Variants in DDX23 observed in about 807,000 individuals in gnomAD.
DDX23 encodes the protein DEAD-box helicase 23.
In DDX23, 33 loss-of-function variants were observed where a neutral mutation model predicts 102.7. The ratio of observed to expected loss-of-function variants is 0.32; its 90% confidence interval spans 0.24 to 0.43. The LOEUF (loss-of-function observed/expected upper bound fraction) is 0.43, where lower values mean the gene tolerates loss of function less well. Among genes scored for constraint, DDX23 ranks in the 20% least tolerant of loss-of-function variants. DDX23 has a pLI of 1.00. For missense variants in DDX23, 549 were observed against 1,086.6 expected (o/e 0.51, Z 6.96); for synonymous variants, 352 against 376.0 (o/e 0.94, Z 0.74).
At chr12:48,838,149 G>T in intron 5 of DDX23, 69 bp from the exon 6 acceptor site, 3 of 1,595,698 alleles carry the variant, frequency 1.9e-6, no homozygotes, top group South Asian at 2.2e-5. Context: ...CTGATGGGGA[G>T]ATGGCAGGGA....
chr12:48,846,243 C>T (rs1255752355), intron 1 of DDX23, among the ~76,000 whole-genome samples: 3 of 152,216 alleles, frequency 2.0e-5, no homozygotes, highest in African/African-American at 2.4e-5. Flanking sequence ...AGATTACAGG[C>T]GTGAGCCACA....
At chr12:48,840,918 C>T (rs1938540145) in intron 3 of DDX23, among the ~76,000 whole-genome samples, 1 of 152,072 alleles carries the variant, frequency 6.6e-6, no homozygotes, top group African/African-American at 2.4e-5. Flanking sequence ...CAAGAAGATA[C>T]TGCTATCTAT....
At chr12:48,840,826 T>C (rs1938538240) in intron 3 of DDX23, among the ~76,000 whole-genome samples, 1 of 151,712 alleles carries the variant, frequency 6.6e-6, no homozygotes, top group African/African-American at 2.4e-5. Context: ...GTGCTAGGAT[T>C]ACAGGTGTGA....
At position 48,836,468 on chromosome 12, in the gene DDX23, ACTAGCAGCGATGG is replaced by A; in HGVS notation, c.1236+88_1236+100del. 7.6e-7 allele frequency: 1 copy of A among 1,308,048 alleles called. No individual in the cohort carries two copies. The highest frequency in any genetic ancestry group is 1.3e-5 in the South Asian group (1 of 75,398). The allele number at this position is 1,308,048 out of a possible 1,614,324, so 81.0% of individuals were successfully genotyped here. Reference sequence around the variant, plus strand: ...GACAGAAAAGGTCACATTGGTGCCCACTAGCAGCGATGGCTCCAAATAGTCAAGGAACAAAGTT... The same window carrying A: ...GACAGAAAAGGTCACATTGGTGCCCACTCCAAATAGTCAAGGAACAAAGTT... On this transcript the variant is annotated intron_variant, in intron 10 of 16. Transcript: ENST00000308025. The surrounding 1 kb of genome is among the most constrained non-coding windows in gnomAD (Gnocchi z 6.1).
Position 48,844,050 on chromosome 12 carries a change from T to A in DDX23, c.210A>T (p.Arg70Ser). The change falls in exon 3 of 17, where the codon AGA (arginine) becomes AGT (serine). Residue 70 changes from arginine (R) to serine (S), a missense_variant and splice_region_variant. Physicochemically the swap from Arg to Ser is moderately radical, Grantham distance 110 (BLOSUM62 -1). Around this residue, in one of 4 missense-constraint regions of DDX23, gnomAD observed 241 missense variants for 267.0 expected, o/e 0.90. Transcript: ENST00000308025. ...RSRSRSKSAE[R>S]ERRHKERERD... ...GTTCTCGTTCTTTGTGCCGTCGTTC[T>A]CTGGAAGACCGCAAATTTAAGAGTT... The A allele has an allele frequency of 6.2e-7, 1 of 1,614,128 alleles. No individual in the cohort carries two copies. Among genetic ancestry groups the A allele is most frequent in the Non-Finnish European group, 8.5e-7 (1 of 1,179,990 alleles).
chr12:48,832,357 C>T lies in DDX23; in HGVS notation c.1955+65G>A. 1 of 1,590,830 alleles carries T rather than the reference C, an allele frequency of 6.3e-7. No individual in the cohort carries two copies. The highest frequency in any genetic ancestry group is 1.7e-5 in the Admixed American group (1 of 58,860). On this transcript the variant is annotated intron_variant, in intron 14 of 16. Transcript: ENST00000308025. This position sits in a 1 kb window ranked among gnomAD's most constrained non-coding sequence, Gnocchi z 4.4. ...GCAATTGCCCTGCCCTGCACCTGCA[C>T]TAAAAAAGTTCTCAGAGCCATTTTA...
rs182814329 is a variant in DDX23, at chr12:48,833,181, C to T, written c.1803+96G>A. On this transcript the variant is annotated intron_variant, in intron 13 of 16. Coordinates refer to ENST00000308025, the MANE Select transcript of DDX23 (RefSeq NM_004818.3). ...TTAAATTTTTGTAGAGACGGAGTTT[C>T]GCCATGTTGCCCAGGCTGGTCTCAA... The T allele has an allele frequency of 2.2e-4, 337 of 1,544,052 alleles. 1 individual carries two copies. Among genetic ancestry groups the T allele is most frequent in the Non-Finnish European group, 1.5e-4 (169 of 1,140,350 alleles).
In DDX23 at chr12:48,836,033, G is replaced by T; in HGVS notation, c.1382+88C>A. 1.4e-6 allele frequency: 2 copies of T among 1,410,888 alleles called. No homozygotes were observed. The highest frequency in any genetic ancestry group is 2.0e-6 in the Non-Finnish European group (2 of 1,013,164). 87.4% of individuals were successfully genotyped at this position (1,410,888 alleles called of 1,614,324 possible). On this transcript the variant is annotated intron_variant, in intron 11 of 16. Coordinates refer to ENST00000308025, the MANE Select transcript of DDX23 (RefSeq NM_004818.3). This position sits in a 1 kb window ranked among gnomAD's most constrained non-coding sequence, Gnocchi z 6.1. ...ATAAAGAAGAAAGCTTCTGATTATA[G>T]ACGTAAAACAAAAATCAAACATTCA...
At chr12:48,839,751 T>G in intron 5 of DDX23, 93 bp downstream of exon 5, 221 of 1,307,974 alleles carry the variant, frequency 1.7e-4, no homozygotes, top group Middle Eastern at 2.4e-4. Flanking sequence ...TCCAGAACTG[T>G]GAGAAAATTA....
intron 15 of DDX23, chr12:48,831,741 A>G (rs1565674996): frequency 5.0e-6 from 2 of 396,882 alleles, no homozygotes; most frequent in Non-Finnish European, 9.2e-6. Flanking sequence ...TTCTGACCAT[A>G]TCACCTCCTC....
Position 48,830,005 on chromosome 12 carries a change from T to A in DDX23, c.*464A>T, listed in dbSNP as rs1938358069. 2 of 361,162 alleles carry A rather than the reference T, an allele frequency of 5.5e-6. No individual in the cohort carries two copies. The highest frequency in any genetic ancestry group is 7.5e-5 in the Admixed American group (2 of 26,680). The allele number at this position is 361,162 out of a possible 1,614,324, so 22.4% of individuals were successfully genotyped here. ...CCAAACAGGAAAACAGCTGTCCAGA[T>A]GACAGTAAGATTCCACTGTCTGTAA... On this transcript the variant is annotated 3_prime_UTR_variant, in exon 17 of 17. Coordinates refer to ENST00000308025, the MANE Select transcript of DDX23 (RefSeq NM_004818.3). This position sits in a 1 kb window ranked among gnomAD's most constrained non-coding sequence, Gnocchi z 4.9.
intron 2 of DDX23, 101 bp downstream of exon 2, chr12:48,845,473 A>T (rs1411890058): frequency 7.5e-7 from 1 of 1,332,864 alleles, no homozygotes; most frequent in East Asian, 2.3e-5. Flanking sequence ...AATAAAAATA[A>T]AAAGTAGATG....
intron 5 of DDX23, among the ~76,000 whole-genome samples, chr12:48,839,155 G>A (rs2137486875): frequency 6.6e-6 from 1 of 152,192 alleles, no homozygotes; most frequent in South Asian, 2.1e-4. Flanking sequence ...GATTACAGGT[G>A]TGAGCCACTG....
intron 1 of DDX23, 84 bp from the exon 2 acceptor site, chr12:48,845,866 C>A (rs1234242597): frequency 2.9e-6 from 4 of 1,389,726 alleles, no homozygotes; most frequent in African/African-American, 2.9e-5. Context: ...CTCAAAACAA[C>A]CCTATGAGGT....
Position 48,842,063 on chromosome 12 carries a change from G to A in DDX23, c.320+1877C>T, listed in dbSNP as rs533301309. Among the ~76,000 whole-genome samples, 108 of 151,534 alleles carry A rather than the reference G, an allele frequency of 7.1e-4. 1 individual carries two copies. The highest frequency in any genetic ancestry group is 2.5e-3 in the African/African-American group (105 of 41,276). On this transcript the variant is annotated intron_variant, in intron 3 of 16. Coordinates refer to ENST00000308025, the MANE Select transcript of DDX23 (RefSeq NM_004818.3). ...CGTCTGAGAAGTGAGGAGCCCCTCC[G>A]CCCGGCAGCCACATCGTCTGAGAAG...
chr12:48,845,683 G>T lies in DDX23; in HGVS notation c.100C>A (p.Arg34=). ...RTPDRERDRD[R]DRKSSPSKDR... ...TTAGATGGGGAAGACTTCCGGTCCCGGTCTCTATCCCGCTCTCTGTCAGGA... is the reference window on the plus strand; with the variant it reads ...TTAGATGGGGAAGACTTCCGGTCCCTGTCTCTATCCCGCTCTCTGTCAGGA... The change falls in exon 2 of 17, where the codon CGG becomes AGG. Residue 34 remains arginine, a synonymous_variant. Transcript: ENST00000308025. 6.2e-7 allele frequency: 1 copy of T among 1,614,214 alleles called. No individual in the cohort carries two copies. Among genetic ancestry groups the T allele is most frequent in the Non-Finnish European group, 8.5e-7 (1 of 1,180,050 alleles).
Position 48,833,769 on chromosome 12 carries a change from C to CT in DDX23, c.1561-251dup, listed in dbSNP as rs972275771. ...ACAGAGGAGGCAAAATCAGTAGAAACTTTTTTTTTTTTGGCAAATCATTTC... is the reference window on the plus strand; with the variant it reads ...ACAGAGGAGGCAAAATCAGTAGAAACTTTTTTTTTTTTTGGCAAATCATTTC... On this transcript the variant is annotated intron_variant, in intron 12 of 16. Transcript: ENST00000308025. Among the ~76,000 whole-genome samples, 285 of 145,812 alleles carry CT rather than the reference C, an allele frequency of 2.0e-3. 1 individual carries two copies. Among genetic ancestry groups the CT allele is most frequent in the African/African-American group, 5.8e-3 (233 of 40,000 alleles).
At chr12:48,843,820 T>A in intron 3 of DDX23, 120 bp downstream of exon 3, 1 of 1,044,858 alleles carries the variant, frequency 9.6e-7, no homozygotes, top group South Asian at 1.4e-5. Flanking sequence ...AGTGCTGGGA[T>A]TACAGGCGTG....
intron 3 of DDX23, among the ~76,000 whole-genome samples, chr12:48,841,261 C>T (rs1199918675): frequency 1.3e-5 from 2 of 152,192 alleles, no homozygotes; most frequent in Admixed American, 1.3e-4. Context: ...TGGCGCATGC[C>T]TGTATTCCCA....
Sources: allele counts gnomAD v4.1 joint callset (sites outside exome capture counted in the v4.1 genomes callset), GRCh38; gene constraint gnomAD v4.1.1; regional missense constraint gnomAD v4.1.1; non-coding constraint Gnocchi (gnomAD v3.1); transcripts MANE v1.5; gene names NCBI Gene and HGNC (gene_info 2026-07-23, HGNC 2026-07-21).